The following PCED1B variants were observed in gnomAD, a reference collection of about 807,000 sequenced individuals.
PCED1B encodes PC-esterase domain-containing protein 1B.
For synonymous variants in PCED1B, 251 were observed against 246.1 expected (o/e 1.02, Z -0.19); for missense variants, 573 against 573.9 (o/e 1.00, Z 0.02).
intron 2 of PCED1B, among the ~76,000 whole-genome samples, chr12:47,124,509 GGTT>G (rs1939807984): frequency 1.4e-5 from 1 of 72,556 alleles, no homozygotes; most frequent in Admixed American, 1.5e-4. Context: ...ATATACATGA[GGTT>G]TTTTTTTTTT....
At chr12:47,171,807 CT>C (rs764637234) in intron 2 of PCED1B, among the ~76,000 whole-genome samples, 8 of 138,858 alleles carry the variant, frequency 5.8e-5, no homozygotes, top group Middle Eastern at 3.7e-3. Context: ...TCTTCTTCTT[CT>C]TTTTTTCTTC....
At position 47,198,268 on chromosome 12, in the gene PCED1B, G is replaced by A. The variant is rs1030570741; in HGVS notation, c.-525-17954G>A. ...TTGAAAATCATTAATGTAATTTATCGTATCAATAGGCTAAAGAAGAAAAAT... is the reference window on the plus strand; with the variant it reads ...TTGAAAATCATTAATGTAATTTATCATATCAATAGGCTAAAGAAGAAAAAT... On this transcript the variant is annotated intron_variant, in intron 2 of 3. Coordinates refer to ENST00000546455, the MANE Select transcript of PCED1B (RefSeq NM_138371.3). Among the ~76,000 whole-genome samples the A allele has an allele frequency of 2.2e-4, 34 of 152,086 alleles. No homozygotes were observed. In the East Asian group the frequency reaches 2.5e-3, roughly 11 times the overall value.
At position 47,142,301 on chromosome 12, in the gene PCED1B, A is replaced by G. The variant is rs551806422; in HGVS notation, c.-526+38106A>G. Among the ~76,000 whole-genome samples, 7 of 152,290 alleles carry G rather than the reference A, an allele frequency of 4.6e-5. No homozygotes were observed. The South Asian group carries it at 6.2e-4, about 14-fold the overall frequency. ...CAACTGCAATCCTGGTGGCAATTCC[A>G]TCAGCCCATGGACCTAACAAGAGGT... On this transcript the variant is annotated intron_variant, in intron 2 of 3. Transcript: ENST00000546455.
rs1191004753 is a variant in PCED1B at position 47,228,873 on chromosome 12, C to CA, written c.-57-6123dup. Among the ~76,000 whole-genome samples the CA allele has an allele frequency of 2.3e-3, 319 of 137,580 alleles. 1 individual carries two copies. The highest frequency in any genetic ancestry group is 7.4e-3 in the African/African-American group (275 of 37,302). 90.3% of individuals were successfully genotyped at this position (137,580 alleles called of 152,430 possible). The stretch of plus-strand genomic sequence containing the variant: ...GGGCAACCAGAGTGAAACTCCGTCT[C>CA]AAAAAAAAAAAGTTACCTCATGAAG... On this transcript the variant is annotated intron_variant, in intron 3 of 3. Transcript: ENST00000546455.
intron 2 of PCED1B, among the ~76,000 whole-genome samples, chr12:47,129,231 G>A (rs1940017704): frequency 6.6e-6 from 1 of 152,176 alleles, no homozygotes; most frequent in South Asian, 2.1e-4. Context: ...CCAACACTTT[G>A]GGAGGCTGAG....
chr12:47,184,580 A>G (rs1942195646), intron 2 of PCED1B, among the ~76,000 whole-genome samples: 1 of 152,080 alleles, frequency 6.6e-6, no homozygotes, highest in East Asian at 1.9e-4. Flanking sequence ...TAAAAATTAG[A>G]GAAAGACTTT....
chr12:47,187,593 A>G (rs1942311953), intron 2 of PCED1B, among the ~76,000 whole-genome samples: 1 of 152,172 alleles, frequency 6.6e-6, no homozygotes, highest in Non-Finnish European at 1.5e-5. Context: ...ATTTTAAAAT[A>G]TATTTTTTCA....
chr12:47,129,833 A>C (rs952891372), intron 2 of PCED1B, among the ~76,000 whole-genome samples: 4 of 152,224 alleles, frequency 2.6e-5, no homozygotes, highest in African/African-American at 9.6e-5. Context: ...CCTAGTAGGC[A>C]TCTGTCCATT....
At chr12:47,181,301 G>A (rs1329116816) in intron 2 of PCED1B, among the ~76,000 whole-genome samples, 1 of 151,450 alleles carries the variant, frequency 6.6e-6, no homozygotes, top group Non-Finnish European at 1.5e-5. Flanking sequence ...GTATTTTCTT[G>A]ATACATATTT....
intron 3 of PCED1B, among the ~76,000 whole-genome samples, chr12:47,221,436 C>T (rs1943475375): frequency 6.6e-6 from 1 of 150,902 alleles, no homozygotes; most frequent in Non-Finnish European, 1.5e-5. Flanking sequence ...CCTAAGCTTC[C>T]CAGAGTGCTG....
At chr12:47,185,307 CA>C (rs756058776) in intron 2 of PCED1B, among the ~76,000 whole-genome samples, 6 of 152,124 alleles carry the variant, frequency 3.9e-5, no homozygotes, top group Admixed American at 3.3e-4. Context: ...CAGAGACAGA[CA>C]CAAGAAGAGA....
intron 2 of PCED1B, among the ~76,000 whole-genome samples, chr12:47,121,525 G>A (rs973984920): frequency 5.3e-5 from 8 of 151,990 alleles, no homozygotes; most frequent in Non-Finnish European, 1.0e-4. Context: ...TCTCCAATAC[G>A]TAGAAATAAG....
chr12:47,203,716 A>G (rs1565599454), intron 2 of PCED1B, among the ~76,000 whole-genome samples: 1 of 152,182 alleles, frequency 6.6e-6, no homozygotes, highest in Non-Finnish European at 1.5e-5. Context: ...TCTATTACTG[A>G]TGGGCATTTA....
At chr12:47,089,856 C>T (rs193208107) in intron 1 of PCED1B, among the ~76,000 whole-genome samples, 2 of 152,180 alleles carry the variant, frequency 1.3e-5, no homozygotes, top group African/African-American at 2.4e-5. Flanking sequence ...TCACTGCAAC[C>T]TCTGCCTCCC....
chr12:47,097,118 G>A (rs1415840946), intron 1 of PCED1B, among the ~76,000 whole-genome samples: 2 of 152,172 alleles, frequency 1.3e-5, no homozygotes, highest in South Asian at 2.1e-4. Context: ...TGGAGAGCAA[G>A]GGATTTACCC....
chr12:47,147,114 C>T (rs1304686471), intron 2 of PCED1B, among the ~76,000 whole-genome samples: 1 of 151,188 alleles, frequency 6.6e-6, no homozygotes, highest in Non-Finnish European at 1.5e-5. Context: ...AATTCTCCTG[C>T]CTCAGCCTCC....
intron 2 of PCED1B, among the ~76,000 whole-genome samples, chr12:47,197,358 G>A (rs994065640): frequency 6.0e-5 from 9 of 151,126 alleles, no homozygotes; most frequent in East Asian, 2.0e-4. Flanking sequence ...TGTAATCCCA[G>A]CACTTTGGGA....
intron 2 of PCED1B, among the ~76,000 whole-genome samples, chr12:47,136,684 G>C (rs561116259): frequency 2.0e-5 from 3 of 151,874 alleles, no homozygotes; most frequent in African/African-American, 7.3e-5. Context: ...AATAATCTTA[G>C]CATCATTATG....
chr12:47,097,152 G>A (rs1938513241), intron 1 of PCED1B, among the ~76,000 whole-genome samples: 1 of 152,188 alleles, frequency 6.6e-6, no homozygotes, highest in Non-Finnish European at 1.5e-5. Context: ...TATTGGCAGA[G>A]TCAGGACTTG....
Sources: gnomAD v4.1 joint callset for allele counts (sites outside exome capture counted in the v4.1 genomes callset) on GRCh38, gnomAD v4.1.1 for gene constraint, MANE v1.5 for transcripts, NCBI Gene and HGNC (gene_info 2026-07-23, HGNC 2026-07-21) for gene names.